Variants in DNAI4 observed in about 807,000 individuals in gnomAD.
DNAI4 encodes the protein WD repeat domain 78.
DNAI4 carries 85 observed loss-of-function variants against 105.8 expected under a neutral mutation model. The observed-to-expected ratio is 0.80, with a 90% CI of 0.67 to 0.96. DNAI4 has a LOEUF of 0.96. DNAI4 is among the 40% of genes least tolerant of loss of function. DNAI4 has a pLI of 0.00. For synonymous variants in DNAI4, 352 were observed against 331.5 expected (o/e 1.06, Z -0.67); for missense variants, 1,014 against 1,005.6 (o/e 1.01, Z -0.11).
rs536119629 is a variant in DNAI4, at chr1:66,827,040, C to T, written c.2119G>A (p.Val707Met). Residue 707 changes from valine (V) to methionine (M), a missense_variant, in exon 15 of 17, where the codon GTG becomes ATG. By Grantham distance (21) the Val-to-Met change is conservative (BLOSUM62 1). Coordinates refer to ENST00000371026, the MANE Select transcript of DNAI4 (RefSeq NM_024763.5). ...LDTYRGHKGP[V>M]YKVTWNPFCH... ...AATGGATTCCATGTCACTTTATACA[C>T]TGGACCCTAGAAATAAAAAAAAAAT... The T allele has an allele frequency of 6.2e-7, 1 of 1,608,360 alleles. No individual in the cohort carries two copies. Among genetic ancestry groups the T allele is most frequent in the Admixed American group, 1.7e-5 (1 of 59,072 alleles).
At chr1:66,892,972 A>AGAAC (rs1553227479) in intron 3 of DNAI4, among the ~76,000 whole-genome samples, 2 of 137,042 alleles carry the variant, frequency 1.5e-5, no homozygotes, top group African/African-American at 3.0e-5. Flanking sequence ...AAAGAAAGAA[A>AGAAC]GAAAGAAAGA....
chr1:66,814,514 A>G (rs1024940121), intron 16 of DNAI4, among the ~76,000 whole-genome samples: 4 of 151,980 alleles, frequency 2.6e-5, no homozygotes, highest in Non-Finnish European at 4.4e-5. Context: ...GACTACAGGC[A>G]CGTGCCACCA....
At position 66,893,049 on chromosome 1, in the gene DNAI4, AAGAAAGAGAGAGAG is replaced by A. The variant is rs1347718246; in HGVS notation, c.530+166_530+179del. Among the ~76,000 whole-genome samples, 113 of 115,810 alleles carry A rather than the reference AAGAAAGAGAGAGAG, an allele frequency of 9.8e-4. 5 individuals carry two copies. Among genetic ancestry groups the A allele is most frequent in the African/African-American group, 4.0e-3 (108 of 26,860 alleles). The allele number at this position is 115,810 out of a possible 152,430, so 76.0% of individuals were successfully genotyped here. ...AAGAAAGAGAGGAAAGAAAGAAAGA[AAGAAAGAGAGAGAG>A]AGAAAGAAAGAAAGAAAGAAAGAAA... On this transcript the variant is annotated intron_variant, in intron 3 of 16. Transcript: ENST00000371026.
intron 6 of DNAI4, among the ~76,000 whole-genome samples, chr1:66,865,646 G>C (rs181483753): frequency 7.1e-4 from 108 of 152,296 alleles, no homozygotes; most frequent in African/African-American, 2.6e-3. Context: ...TTACTAACCA[G>C]TAACTGTCAC....
In DNAI4 at chr1:66,813,786, T is replaced by C. The variant is rs994133549; in HGVS notation, c.*344A>G. The C allele has an allele frequency of 5.9e-6, 1 of 169,752 alleles. No individual in the cohort carries two copies. Among genetic ancestry groups the C allele is most frequent in the African/African-American group, 2.4e-5 (1 of 42,308 alleles). The allele number at this position is 169,752 out of a possible 1,614,324, so 10.5% of individuals were successfully genotyped here. A position where few individuals can be genotyped will look rare whatever the true frequency, so the allele number is the denominator to read the frequency against. ...AAAGATTTTGGTTTAAGTGATTCTA[T>C]TAATTTCCAAGTTTCGCTTCTATAG... On this transcript the variant is annotated 3_prime_UTR_variant, in exon 17 of 17. Coordinates refer to ENST00000371026, the MANE Select transcript of DNAI4 (RefSeq NM_024763.5).
rs139518785 is a variant in DNAI4 at position 66,905,215 on chromosome 1, T to C, written c.331A>G (p.Ile111Val). ...LKTVEKPNPN[I>V]KTTQVFDING... ...AAGAATATTACCTGTGTTGTCTTTATATTGGGATTTGGTTTTTCTACAGTT... is the reference window on the plus strand; with the variant it reads ...AAGAATATTACCTGTGTTGTCTTTACATTGGGATTTGGTTTTTCTACAGTT... Residue 111 changes from isoleucine to valine, a missense_variant, in exon 2 of 17, where the codon ATA (isoleucine) becomes GTA (valine). Coordinates refer to ENST00000371026, the MANE Select transcript of DNAI4 (RefSeq NM_024763.5). The C allele has an allele frequency of 1.4e-5, 22 of 1,527,564 alleles. No individual in the cohort carries two copies. In the African/African-American group the frequency reaches 2.6e-4, roughly 18 times the overall value. The allele number at this position is 1,527,564 out of a possible 1,614,324, so 94.6% of individuals were successfully genotyped here. A position where few individuals can be genotyped will look rare whatever the true frequency, so the allele number is the denominator to read the frequency against.
chr1:66,892,512 A>C (rs939767669), intron 3 of DNAI4, among the ~76,000 whole-genome samples: 8 of 152,206 alleles, frequency 5.3e-5, no homozygotes, highest in Non-Finnish European at 1.2e-4. Context: ...TGAAATATAT[A>C]TATTTTTCAC....
chr1:66,858,640 G>T (rs960303573), intron 7 of DNAI4, among the ~76,000 whole-genome samples: 4 of 151,736 alleles, frequency 2.6e-5, no homozygotes, highest in East Asian at 1.9e-4. Flanking sequence ...TTTTTTCAAG[G>T]TATGCAAAGC....
At chr1:66,922,573 G>C (rs1257106996) in intron 1 of DNAI4, among the ~76,000 whole-genome samples, 5 of 152,200 alleles carry the variant, frequency 3.3e-5, no homozygotes, top group Non-Finnish European at 7.3e-5. Context: ...TTACTACCTG[G>C]AGGGTGTTGG....
At chr1:66,887,241 A>C (rs1419172174) in intron 4 of DNAI4, among the ~76,000 whole-genome samples, 1 of 152,180 alleles carries the variant, frequency 6.6e-6, no homozygotes, top group African/African-American at 2.4e-5. Context: ...CCTCCAGTTT[A>C]TGGTAAGTAA....
chr1:66,822,235 TG>T, intron 16 of DNAI4, 125 bp downstream of exon 16: 1 of 916,586 alleles, frequency 1.1e-6, no homozygotes, highest in Non-Finnish European at 1.5e-6. Context: ...TAGCAACTCC[TG>T]GAATTTATGT....
intron 3 of DNAI4, among the ~76,000 whole-genome samples, chr1:66,892,660 T>C (rs546568079): frequency 2.1e-4 from 32 of 151,790 alleles, no homozygotes; most frequent in South Asian, 4.2e-4. Context: ...AATCCCAGCA[T>C]TTTGGGAGGC....
chr1:66,880,910 G>C (rs759207145), intron 4 of DNAI4, among the ~76,000 whole-genome samples: 1 of 152,094 alleles, frequency 6.6e-6, no homozygotes, highest in Non-Finnish European at 1.5e-5. Context: ...CCAGGGTCCC[G>C]GTGTTGTGTG....
chr1:66,879,840 G>T (rs939861552), intron 4 of DNAI4, among the ~76,000 whole-genome samples: 13 of 152,032 alleles, frequency 8.6e-5, no homozygotes, highest in African/African-American at 3.1e-4. Context: ...TGAAGTGTTT[G>T]TTCCTATGTT....
chr1:66,874,263 A>T (rs1460328414), intron 5 of DNAI4, among the ~76,000 whole-genome samples: 2 of 152,070 alleles, frequency 1.3e-5, no homozygotes, highest in African/African-American at 4.8e-5. Context: ...TTGAGACCAA[A>T]ACTAACTCTA....
At chr1:66,845,116 A>C (rs1170201008) in intron 8 of DNAI4, among the ~76,000 whole-genome samples, 1 of 129,998 alleles carries the variant, frequency 7.7e-6, no homozygotes, top group Non-Finnish European at 1.6e-5. Flanking sequence ...ACTGGAACCC[A>C]GGAGGTGGAG....
intron 6 of DNAI4, among the ~76,000 whole-genome samples, chr1:66,865,467 T>C (rs550331334): frequency 1.3e-5 from 2 of 152,282 alleles, no homozygotes; most frequent in South Asian, 2.1e-4. Context: ...TCAATAAAAG[T>C]GTACCTTTTC....
chr1:66,902,230 T>G (rs1648882917), intron 2 of DNAI4, among the ~76,000 whole-genome samples: 1 of 152,108 alleles, frequency 6.6e-6, no homozygotes, highest in Non-Finnish European at 1.5e-5. Flanking sequence ...ACTTATTTTG[T>G]TTTGTTTTTT....
At chr1:66,816,593 A>G (rs1264659121) in intron 16 of DNAI4, among the ~76,000 whole-genome samples, 2 of 152,124 alleles carry the variant, frequency 1.3e-5, no homozygotes, top group Admixed American at 6.6e-5. Context: ...TTAATCTCCC[A>G]AAAAATATAA....
Sources: gnomAD v4.1 joint callset for allele counts (sites outside exome capture counted in the v4.1 genomes callset) on GRCh38, gnomAD v4.1.1 for gene constraint, MANE v1.5 for transcripts, NCBI Gene and HGNC (gene_info 2026-07-23, HGNC 2026-07-21) for gene names.